SPAG16: variants seen among roughly 807,000 people sequenced by gnomAD.
SPAG16 encodes the protein sperm associated antigen 16, also known as sperm-associated antigen 16 protein.
In SPAG16, 86 loss-of-function variants were observed where a neutral mutation model predicts 80.4. That is an observed-to-expected ratio of 1.07 (90% CI 0.90 to 1.28). The LOEUF is 1.28. Among genes scored for constraint, SPAG16 ranks in the 50% most tolerant of loss-of-function variants. The probability of loss-of-function intolerance (pLI) is 0.00; values close to 1 mark genes in which losing one functional copy is unlikely to be tolerated. For missense variants in SPAG16, 870 were observed against 765.3 expected (o/e 1.14, Z -1.61); for synonymous variants, 294 against 265.9 (o/e 1.11, Z -1.03).
intron 9 of SPAG16, 56 bp from the exon 10 acceptor site, chr2:213,489,907 C>T: frequency 7.2e-7 from 1 of 1,395,484 alleles, no homozygotes; most frequent in Non-Finnish European, 9.7e-7. Context: ...AGAGTATCAA[C>T]CTGTGCAGTG....
At chr2:214,196,067 A>G (rs2057828497) in intron 15 of SPAG16, among the ~76,000 whole-genome samples, 1 of 152,034 alleles carries the variant, frequency 6.6e-6, no homozygotes, top group Admixed American at 6.6e-5. Flanking sequence ...ATTTAATAAT[A>G]ATGAAAATTT....
chr2:213,650,603 A>G (rs2125144806), intron 10 of SPAG16, among the ~76,000 whole-genome samples: 1 of 152,276 alleles, frequency 6.6e-6, no homozygotes, highest in Middle Eastern at 3.4e-3. Context: ...TCATATAACT[A>G]AGGAAGAAAA....
chr2:213,446,395 C>A (rs1479252954), intron 9 of SPAG16, among the ~76,000 whole-genome samples: 1 of 152,112 alleles, frequency 6.6e-6, no homozygotes, highest in African/African-American at 2.4e-5. Flanking sequence ...AAGAAAGAGC[C>A]AAACTGAACT....
chr2:214,400,110 A>G (rs1382238413), intron 15 of SPAG16, among the ~76,000 whole-genome samples: 1 of 152,096 alleles, frequency 6.6e-6, no homozygotes, highest in East Asian at 1.9e-4. Context: ...CATGTAGGAA[A>G]GCACCTGGTT....
intron 10 of SPAG16, among the ~76,000 whole-genome samples, chr2:213,721,370 A>AT (rs1384187508): frequency 1.3e-5 from 2 of 152,212 alleles, no homozygotes; most frequent in African/African-American, 4.8e-5. Context: ...AAGTGCTGAG[A>AT]TTACAGGCGT....
chr2:214,244,624 G>T (rs1278368843), intron 15 of SPAG16, among the ~76,000 whole-genome samples: 2 of 151,856 alleles, frequency 1.3e-5, no homozygotes, highest in Non-Finnish European at 2.9e-5. Context: ...AAACTTTTTG[G>T]AATGTAATTA....
chr2:213,588,808 CAAAAAAAAAAAAAAAAAAA>C lies in SPAG16; in HGVS notation c.1070+98735_1070+98753del, dbSNP rs59813410. 4.1e-4 allele frequency among the ~76,000 whole-genome samples: 12 copies of C among 28,960 alleles called. No homozygotes were observed. The East Asian group carries it at 0.017, about 40-fold the overall frequency. The allele number at this position is 28,960 out of a possible 152,430, so 19.0% of individuals were successfully genotyped here. ...TGGGCGACAGAGCGAGACTCCGTCT[CAAAAAAAAAAAAAAAAAAA>C]AAAAAAAAAAAAAAAAGACTCCCTA... is the stretch of plus-strand genomic sequence containing the variant. On this transcript the variant is annotated intron_variant, in intron 10 of 15. Coordinates refer to ENST00000331683, the MANE Select transcript of SPAG16 (RefSeq NM_024532.5).
intron 13 of SPAG16, among the ~76,000 whole-genome samples, chr2:214,063,376 A>G (rs978283662): frequency 7.2e-5 from 11 of 152,176 alleles, no homozygotes; most frequent in Admixed American, 3.3e-4. Flanking sequence ...TGGAGGCTGG[A>G]AAGTCCAAGA....
intron 10 of SPAG16, among the ~76,000 whole-genome samples, chr2:213,817,197 C>G (rs188676468): frequency 6.8e-6 from 1 of 146,728 alleles, no homozygotes; most frequent in South Asian, 2.1e-4. Context: ...TAACTTACTA[C>G]TTTGTACAAA....
intron 9 of SPAG16, among the ~76,000 whole-genome samples, chr2:213,423,601 T>C (rs1466306063): frequency 6.6e-6 from 1 of 152,218 alleles, no homozygotes; most frequent in East Asian, 1.9e-4. Flanking sequence ...TTTCAGACAA[T>C]TCTGTTTCAA....
intron 9 of SPAG16, among the ~76,000 whole-genome samples, chr2:213,462,061 A>G (rs2072401899): frequency 6.6e-6 from 1 of 152,234 alleles, no homozygotes; most frequent in Non-Finnish European, 1.5e-5. Context: ...TTGTATTCTG[A>G]TTATGACTTA....
At chr2:213,298,611 A>C (rs2062602888) in intron 3 of SPAG16, among the ~76,000 whole-genome samples, 1 of 152,216 alleles carries the variant, frequency 6.6e-6, no homozygotes, top group South Asian at 2.1e-4. Context: ...ACAAAACTGT[A>C]ATTGCTTCCT....
intron 15 of SPAG16, among the ~76,000 whole-genome samples, chr2:214,189,889 C>CT: frequency 6.6e-6 from 1 of 152,090 alleles, no homozygotes; most frequent in South Asian, 2.1e-4. Context: ...CAACAATCCC[C>CT]TTTAACAACT....
At chr2:214,408,567 C>A (rs944678850) in intron 15 of SPAG16, among the ~76,000 whole-genome samples, 9 of 152,126 alleles carry the variant, frequency 5.9e-5, no homozygotes, top group Non-Finnish European at 1.0e-4. Flanking sequence ...ACTTTTATAA[C>A]TTTTCTCTGT....
At chr2:213,595,812 T>G (rs2060867312) in intron 10 of SPAG16, among the ~76,000 whole-genome samples, 1 of 152,056 alleles carries the variant, frequency 6.6e-6, no homozygotes, top group Non-Finnish European at 1.5e-5. Flanking sequence ...ATGACAGAAA[T>G]CACTATCATG....
At chr2:214,053,827 T>G (rs1266601324) in intron 13 of SPAG16, among the ~76,000 whole-genome samples, 1 of 152,208 alleles carries the variant, frequency 6.6e-6, no homozygotes, top group Non-Finnish European at 1.5e-5. Context: ...TTCTTTCCAT[T>G]ATTTTACAAT....
chr2:214,177,319 G>A (rs548070743), intron 15 of SPAG16, among the ~76,000 whole-genome samples: 3 of 151,004 alleles, frequency 2.0e-5, no homozygotes, highest in Admixed American at 1.3e-4. Flanking sequence ...TGCAGAATAG[G>A]TTCAAAATCT....
At chr2:213,904,416 C>T (rs937922657) in intron 11 of SPAG16, among the ~76,000 whole-genome samples, 1 of 151,784 alleles carries the variant, frequency 6.6e-6, no homozygotes, top group African/African-American at 2.4e-5. Flanking sequence ...ATAATGAGAC[C>T]ATCAGATATC....
intron 12 of SPAG16, among the ~76,000 whole-genome samples, chr2:213,959,958 T>C (rs2106347637): frequency 6.6e-6 from 1 of 152,200 alleles, no homozygotes; most frequent in East Asian, 1.9e-4. Flanking sequence ...TTTCAGCCAT[T>C]ATTTCTTTAA....
Sources: allele counts gnomAD v4.1 joint callset (sites outside exome capture counted in the v4.1 genomes callset), GRCh38; gene constraint gnomAD v4.1.1; transcripts MANE v1.5; gene names NCBI Gene and HGNC (gene_info 2026-07-23, HGNC 2026-07-21).